HEATR5B: variants seen among roughly 807,000 people sequenced by gnomAD.
The protein encoded by HEATR5B is HEAT repeat containing 5B.
A neutral mutation model predicts 224.1 loss-of-function variants in HEATR5B; 156 were observed. That is an observed-to-expected ratio of 0.70 (90% confidence interval 0.61 to 0.80). The LOEUF (loss-of-function observed/expected upper bound fraction) is 0.80, where lower values mean the gene tolerates loss of function less well. Among genes scored for constraint, HEATR5B ranks in the 30% least tolerant of loss-of-function variants. HEATR5B has a pLI of 0.00. For synonymous variants in HEATR5B, 1,027 were observed against 893.0 expected (o/e 1.15, Z -2.68); for missense variants, 2,323 against 2,535.5 (o/e 0.92, Z 1.80).
intron 11 of HEATR5B, among the ~76,000 whole-genome samples, chr2:37,061,301 A>C (rs1671266578): frequency 6.6e-6 from 1 of 152,210 alleles, no homozygotes. Flanking sequence ...ACTTCTGGAA[A>C]TGAGTTGCAA....
intron 21 of HEATR5B, among the ~76,000 whole-genome samples, chr2:37,035,076 T>C (rs1669393233): frequency 6.6e-6 from 1 of 152,196 alleles, no homozygotes; most frequent in East Asian, 1.9e-4. Context: ...GTAAAACATA[T>C]ATGGAGAACA....
chr2:37,077,055 G>T, intron 3 of HEATR5B, 36 bp from the exon 4 acceptor site: 1 of 1,450,172 alleles, frequency 6.9e-7, no homozygotes, highest in South Asian at 1.2e-5. Context: ...TCATTGTCCA[G>T]GTTAATGATA....
At chr2:37,080,064 C>T (rs1672461092) in intron 2 of HEATR5B, among the ~76,000 whole-genome samples, 1 of 152,098 alleles carries the variant, frequency 6.6e-6, no homozygotes, top group South Asian at 2.1e-4. Context: ...GAAGAACATT[C>T]CAGGCTGAAG....
chr2:37,041,347 A>G (rs1669856141), intron 18 of HEATR5B, 55 bp from the exon 19 acceptor site: 8 of 1,526,926 alleles, frequency 5.2e-6, no homozygotes, highest in East Asian at 2.3e-5. Context: ...TATAAAAACA[A>G]CAACATTATA....
At chr2:37,000,842 A>G (rs369082104) in intron 32 of HEATR5B, 29 bp from the exon 33 acceptor site, 20 of 1,411,598 alleles carry the variant, frequency 1.4e-5, no homozygotes, top group East Asian at 2.3e-5. Flanking sequence ...AGATCACCTC[A>G]TAACTATTCA....
chr2:37,057,250 T>C, intron 15 of HEATR5B, 67 bp downstream of exon 15: 1 of 1,200,598 alleles, frequency 8.3e-7, no homozygotes, highest in Non-Finnish European at 1.1e-6. Context: ...TCTTTTTAAG[T>C]GACAATGTGT....
At chr2:37,016,400 C>T (rs1558735677) in intron 26 of HEATR5B, among the ~76,000 whole-genome samples, 1 of 152,124 alleles carries the variant, frequency 6.6e-6, no homozygotes, top group East Asian at 1.9e-4. Context: ...CACGAGCCAC[C>T]GCGCCCGGCC....
intron 8 of HEATR5B, among the ~76,000 whole-genome samples, chr2:37,067,756 A>G (rs1472091561): frequency 6.6e-6 from 1 of 152,220 alleles, no homozygotes; most frequent in Non-Finnish European, 1.5e-5. Context: ...CGGACAGCAG[A>G]GCTAGACTCT....
intron 21 of HEATR5B, among the ~76,000 whole-genome samples, chr2:37,035,232 G>A (rs1225775782): frequency 2.6e-5 from 4 of 152,292 alleles, no homozygotes; most frequent in Admixed American, 2.0e-4. Flanking sequence ...ATTCTCAGGT[G>A]TACTTTTCCT....
chr2:37,028,168 C>T lies in HEATR5B; in HGVS notation c.3608G>A (p.Ser1203Asn), dbSNP rs1390717858. 1 of 1,598,752 alleles carries T rather than the reference C, an allele frequency of 6.3e-7. No individual in the cohort carries two copies. Among genetic ancestry groups the T allele is most frequent in the Non-Finnish European group, 8.6e-7 (1 of 1,167,172 alleles). ...KDVLAASSDM[S>N]TATLLSSGKD... The stretch of plus-strand genomic sequence containing the variant: ...TCCACTACTTAAGAGAGTTGCAGTA[C>T]TCATATCTATAACAAGAATAAGGAA... The change falls in exon 24 of 36, where the codon AGT becomes AAT. Residue 1203 changes from serine (S) to asparagine (N), a missense_variant. By Grantham distance (46) the Ser-to-Asn change is conservative. Transcript: ENST00000233099.
intron 24 of HEATR5B, among the ~76,000 whole-genome samples, chr2:37,026,160 G>T (rs972385939): frequency 6.6e-6 from 1 of 152,210 alleles, no homozygotes; most frequent in African/African-American, 2.4e-5. Flanking sequence ...AAGCATCAGA[G>T]AGATTTAACG....
intron 33 of HEATR5B, among the ~76,000 whole-genome samples, chr2:36,997,567 C>CTT (rs10699174): frequency 0.76 from 98,008 of 129,558 alleles, 38,350 homozygotes; most frequent in African/African-American, 0.85. Context: ...CTCTGCCATT[C>CTT]TTTTTTTTTT....
intron 16 of HEATR5B, 22 bp from the exon 17 acceptor site, chr2:37,053,629 AT>A (rs1481684892): frequency 6.8e-7 from 1 of 1,470,846 alleles, no homozygotes; most frequent in East Asian, 2.3e-5. Flanking sequence ...AGAAAAAAAA[AT>A]CACATTAGTG....
At chr2:37,016,823 T>C (rs535583165) in intron 26 of HEATR5B, among the ~76,000 whole-genome samples, 1 of 152,314 alleles carries the variant, frequency 6.6e-6, no homozygotes, top group African/African-American at 2.4e-5. Flanking sequence ...TCAAAACTAA[T>C]TTTAATAAAA....
intron 14 of HEATR5B, among the ~76,000 whole-genome samples, chr2:37,058,037 C>T (rs1471455093): frequency 1.3e-5 from 2 of 152,074 alleles, no homozygotes; most frequent in Admixed American, 6.6e-5. Flanking sequence ...TCCAGATCCT[C>T]GAATTATTTG....
chr2:37,000,579 AG>A lies in HEATR5B; in HGVS notation c.5545+6del. On this transcript the variant is annotated splice_donor_region_variant and intron_variant, in intron 33 of 35. Transcript: ENST00000233099. The stretch of plus-strand genomic sequence containing the variant: ...ACTAACTAAAACGTTTAAAACTGAT[AG>A]GTTACCTGGTTGAGAATATTCCAGG... 1.9e-6 allele frequency: 3 copies of A among 1,610,678 alleles called. No individual in the cohort carries two copies. Among genetic ancestry groups the A allele is most frequent in the Non-Finnish European group, 2.5e-6 (3 of 1,176,832 alleles).
At chr2:37,057,515 A>C (rs970756656) in intron 14 of HEATR5B, 35 bp from the exon 15 acceptor site, 2 of 1,483,720 alleles carry the variant, frequency 1.3e-6, no homozygotes, top group African/African-American at 1.4e-5. Flanking sequence ...ATTAAAAAGA[A>C]TAATTTTTGT....
intron 22 of HEATR5B, among the ~76,000 whole-genome samples, chr2:37,030,922 T>C (rs1318024448): frequency 6.6e-6 from 1 of 152,240 alleles, no homozygotes; most frequent in African/African-American, 2.4e-5. Flanking sequence ...ATTAATTCCC[T>C]GATAAAAGTG....
chr2:37,078,708 T>C (rs926269147), intron 3 of HEATR5B, among the ~76,000 whole-genome samples: 1 of 152,156 alleles, frequency 6.6e-6, no homozygotes, highest in African/African-American at 2.4e-5. Context: ...CTCCATTTCC[T>C]CTGTAAGCTA....
Sources: allele counts gnomAD v4.1 joint callset (sites outside exome capture counted in the v4.1 genomes callset), GRCh38; gene constraint gnomAD v4.1.1; transcripts MANE v1.5; gene names NCBI Gene and HGNC (gene_info 2026-07-23, HGNC 2026-07-21).